The following NYAP2 variants were observed in gnomAD, a reference collection of about 807,000 sequenced individuals.
NYAP2 encodes neuronal tyrosine-phosphorylated phosphoinositide-3-kinase adaptor 2.
Under a neutral mutation model 50.4 loss-of-function variants are expected in NYAP2, and 23 were observed. That is an observed-to-expected ratio of 0.46 (90% CI 0.33 to 0.65). The LOEUF is 0.65. NYAP2 is among the 30% of genes least tolerant of loss of function. NYAP2 has a pLI of 0.02. For synonymous variants in NYAP2, 394 were observed against 365.2 expected (o/e 1.08, Z -0.90); for missense variants, 885 against 861.0 (o/e 1.03, Z -0.35).
chr2:225,618,425 G>A (rs1559231438), intron 5 of NYAP2, among the ~76,000 whole-genome samples: 1 of 152,194 alleles, frequency 6.6e-6, no homozygotes, highest in Non-Finnish European at 1.5e-5. Flanking sequence ...TATTGTAATT[G>A]CCAAGGTGAA....
At chr2:225,578,704 G>A (rs541930215) in intron 4 of NYAP2, among the ~76,000 whole-genome samples, 2 of 152,104 alleles carry the variant, frequency 1.3e-5, no homozygotes, top group African/African-American at 2.4e-5. Context: ...AAACTTAAGC[G>A]GCTTGGAAAG....
Position 225,525,932 on chromosome 2 carries a change from G to A in NYAP2, c.523+12260G>A, listed in dbSNP as rs142138064. On this transcript the variant is annotated intron_variant, in intron 4 of 6. Transcript: ENST00000636099. Reference sequence around the variant, plus strand: ...GCTGGCTTGAAGATAGAGGGGCCATGTGGTAAGGCACATGGGCAGCCTCTG... The same window carrying A: ...GCTGGCTTGAAGATAGAGGGGCCATATGGTAAGGCACATGGGCAGCCTCTG... Among the ~76,000 whole-genome samples the A allele has an allele frequency of 1.6e-4, 24 of 152,316 alleles. No homozygotes were observed. In the South Asian group the frequency reaches 2.9e-3, roughly 18 times the overall value.
At chr2:225,651,632 G>T (rs1444829028) in exon 7 of NYAP2, 6 of 1,576,324 alleles carry the variant, frequency 3.8e-6, no homozygotes, top group Non-Finnish European at 5.2e-6. Flanking sequence ...GACAACTTTC[G>T]CATTTGCTTT....
chr2:225,582,607 A>G lies in NYAP2; in HGVS notation c.1190A>G (p.Gln397Arg), dbSNP rs1210408719. The stretch of plus-strand genomic sequence containing the variant: ...GGCCATGCGAAACTGGAGAAAGAGC[A>G]GGCCGCGGCCCTGGGACCTGCCTCT... The change falls in exon 5 of 7, where the codon CAG (glutamine) becomes CGG (arginine). Residue 397 changes from glutamine (Q) to arginine (R), a missense_variant. Coordinates refer to ENST00000636099, the Ensembl canonical transcript of NYAP2. The surrounding 1 kb of genome is among the most constrained non-coding windows in gnomAD (Gnocchi z 7.0). The G allele has an allele frequency of 6.3e-7, 1 of 1,594,378 alleles. No homozygotes were observed. The highest frequency in any genetic ancestry group is 1.1e-5 in the South Asian group (1 of 87,786).
chr2:225,547,057 C>T (rs1467657216), intron 4 of NYAP2, among the ~76,000 whole-genome samples: 1 of 152,074 alleles, frequency 6.6e-6, no homozygotes, highest in Non-Finnish European at 1.5e-5. Context: ...AGCGGGTGTC[C>T]ACAAAGCTAG....
At chr2:225,574,031 T>C (rs914281296) in intron 4 of NYAP2, among the ~76,000 whole-genome samples, 2 of 152,122 alleles carry the variant, frequency 1.3e-5, no homozygotes, top group African/African-American at 4.8e-5. Flanking sequence ...ATATTTCCAA[T>C]AGGCAAAATA....
intron 4 of NYAP2, among the ~76,000 whole-genome samples, chr2:225,545,299 C>G (rs1040921719): frequency 8.5e-5 from 13 of 152,118 alleles, no homozygotes; most frequent in Admixed American, 2.0e-4. Flanking sequence ...TCTCTACGTC[C>G]TCTTTAAGGC....
intron 4 of NYAP2, among the ~76,000 whole-genome samples, chr2:225,523,006 C>T (rs888260290): frequency 6.6e-6 from 1 of 152,024 alleles, no homozygotes; most frequent in African/African-American, 2.4e-5. Flanking sequence ...AACCTGGAGA[C>T]AGTTGAAGAA....
At chr2:225,416,628 A>G (rs1164934210) in intron 3 of NYAP2, among the ~76,000 whole-genome samples, 1 of 152,164 alleles carries the variant, frequency 6.6e-6, no homozygotes, top group Non-Finnish European at 1.5e-5. Flanking sequence ...ACAACATTTA[A>G]AAAAGTTCCT....
chr2:225,676,373 G>A, the NYAP2 span, among the ~76,000 whole-genome samples: 3 of 151,980 alleles, frequency 2.0e-5, no homozygotes, highest in Non-Finnish European at 4.4e-5. Flanking sequence ...CATATGGCTA[G>A]CCAATTCTTC....
the NYAP2 span, among the ~76,000 whole-genome samples, chr2:225,670,621 A>G: frequency 0.34 from 47,501 of 139,842 alleles, 10,028 homozygotes; most frequent in African/African-American, 0.58. Context: ...AAAAAAAAAA[A>G]AAAAAAAAAA....
intron 4 of NYAP2, among the ~76,000 whole-genome samples, chr2:225,569,286 A>G (rs1692022817): frequency 6.6e-6 from 1 of 152,202 alleles, no homozygotes; most frequent in Admixed American, 6.5e-5. Flanking sequence ...TCTTTTTGCA[A>G]TATGATTTAA....
intron 4 of NYAP2, among the ~76,000 whole-genome samples, chr2:225,556,237 T>A (rs1340290799): frequency 6.6e-6 from 1 of 152,212 alleles, no homozygotes; most frequent in East Asian, 1.9e-4. Context: ...ATAAACATTT[T>A]CTGATTCTGA....
intron 3 of NYAP2, among the ~76,000 whole-genome samples, chr2:225,497,606 A>C (rs73075292): frequency 1.3e-5 from 2 of 152,214 alleles, no homozygotes; most frequent in East Asian, 3.8e-4. Flanking sequence ...CTGGGTTTAT[A>C]TGTGCATTTA....
chr2:225,658,970 T>G (rs1693869485), downstream of NYAP2, among the ~76,000 whole-genome samples: 1 of 152,214 alleles, frequency 6.6e-6, no homozygotes, highest in Non-Finnish European at 1.5e-5. Flanking sequence ...GTCCAGAAGT[T>G]CCATGATCAG....
At chr2:225,491,942 A>G (rs566246681) in intron 3 of NYAP2, among the ~76,000 whole-genome samples, 1 of 152,304 alleles carries the variant, frequency 6.6e-6, no homozygotes, top group East Asian at 1.9e-4. Context: ...CCTATACCCT[A>G]TCTGGCTAAG....
At chr2:225,674,803 G>A in the NYAP2 span, among the ~76,000 whole-genome samples, 2 of 152,154 alleles carry the variant, frequency 1.3e-5, no homozygotes, top group African/African-American at 2.4e-5. Context: ...CACAATAGGA[G>A]TGTTGGGAGA....
At chr2:225,669,546 A>T in the NYAP2 span, among the ~76,000 whole-genome samples, 3 of 152,164 alleles carry the variant, frequency 2.0e-5, no homozygotes, top group African/African-American at 7.2e-5. Flanking sequence ...TTAAAAAATC[A>T]TTTAGTGAGA....
intron 4 of NYAP2, among the ~76,000 whole-genome samples, chr2:225,538,807 TTTC>T (rs1301529376): frequency 1.9e-4 from 14 of 74,178 alleles, no homozygotes; most frequent in East Asian, 1.2e-3. Context: ...TCTTTCTTTC[TTTC>T]TTTCTTTCTT....
Sources: allele counts gnomAD v4.1 joint callset (sites outside exome capture counted in the v4.1 genomes callset), GRCh38; gene constraint gnomAD v4.1.1; non-coding constraint Gnocchi (gnomAD v3.1); transcripts MANE v1.5; gene names NCBI Gene and HGNC (gene_info 2026-07-23, HGNC 2026-07-21).